The following CEP192 variants were observed in gnomAD, a reference collection of about 807,000 sequenced individuals.
CEP192 encodes centrosomal protein of 192 kDa.
CEP192 carries 151 observed loss-of-function variants against 271.8 expected under a neutral mutation model. That is an observed-to-expected ratio of 0.56 (90% CI 0.49 to 0.64). The LOEUF is 0.64. Among genes scored for constraint, CEP192 ranks in the 30% least tolerant of loss-of-function variants. CEP192 has a pLI of 0.00. For synonymous variants in CEP192, 995 were observed against 1,076.5 expected (o/e 0.92, Z 1.48); for missense variants, 2,910 against 3,020.5 (o/e 0.96, Z 0.86).
At chr18:13,096,819 T>C (rs2039424536) in intron 36 of CEP192, among the ~76,000 whole-genome samples, 1 of 152,188 alleles carries the variant, frequency 6.6e-6, no homozygotes, top group Non-Finnish European at 1.5e-5. Flanking sequence ...TAGAATATTC[T>C]AGGACAGAAG....
At chr18:13,009,570 C>T (rs146020956) in intron 4 of CEP192, among the ~76,000 whole-genome samples, 10 of 152,340 alleles carry the variant, frequency 6.6e-5, no homozygotes, top group African/African-American at 1.9e-4. Context: ...TGGTGGCTTA[C>T]GCCTGTAATC....
At chr18:13,009,008 C>CTTTTT (rs1193857966) in intron 4 of CEP192, among the ~76,000 whole-genome samples, 3 of 113,556 alleles carry the variant, frequency 2.6e-5, no homozygotes, top group African/African-American at 8.6e-5. Context: ...TGTGCCTGGC[C>CTTTTT]TTTTTGTTTT....
At position 12,999,556 on chromosome 18, in the gene CEP192, A is replaced by G; in HGVS notation, c.132A>G (p.Thr44=). 6.4e-7 allele frequency: 1 copy of G among 1,550,388 alleles called. No individual in the cohort carries two copies. ...SNLGLPVAVS[T]LARDRSSTDN... ...TTGGCTTGCCTGTTGCTGTTTCTACACTTGCTAGGGATAGATCCAGCACTG... is the reference window on the plus strand; with the variant it reads ...TTGGCTTGCCTGTTGCTGTTTCTACGCTTGCTAGGGATAGATCCAGCACTG... The change falls in exon 2 of 45, where the codon ACA becomes ACG. Residue 44 remains threonine (T), a synonymous_variant. Coordinates refer to ENST00000506447, the MANE Select transcript of CEP192 (RefSeq NM_032142.4).
intron 15 of CEP192, among the ~76,000 whole-genome samples, chr18:13,048,546 G>C (rs938943203): frequency 1.3e-5 from 2 of 152,124 alleles, no homozygotes; most frequent in African/African-American, 4.8e-5. Flanking sequence ...GAGGTCTGTG[G>C]TAAGAATGAT....
At chr18:13,005,114 C>T (rs745913710) in intron 3 of CEP192, among the ~76,000 whole-genome samples, 1 of 151,958 alleles carries the variant, frequency 6.6e-6, no homozygotes, top group Non-Finnish European at 1.5e-5. Context: ...GCAAGAAGGG[C>T]GTATATATTC....
At chr18:13,113,783 C>A in intron 41 of CEP192, 78 bp downstream of exon 41, 1 of 1,324,556 alleles carries the variant, frequency 7.5e-7, no homozygotes, top group Non-Finnish European at 1.0e-6. Context: ...GAAAAGTTGG[C>A]CTGAAAATGC....
intron 15 of CEP192, among the ~76,000 whole-genome samples, chr18:13,043,464 C>T (rs911499578): frequency 2.6e-5 from 4 of 152,152 alleles, no homozygotes; most frequent in Non-Finnish European, 4.4e-5. Context: ...TGTGCTTCTT[C>T]GGTCTGTTTA....
At chr18:13,031,066 A>G (rs2035592856) in intron 11 of CEP192, among the ~76,000 whole-genome samples, 1 of 152,132 alleles carries the variant, frequency 6.6e-6, no homozygotes, top group African/African-American at 2.4e-5. Flanking sequence ...CAGGTTGTTG[A>G]TTAGCATCAT....
intron 22 of CEP192, 29 bp from the exon 23 acceptor site, chr18:13,068,065 A>G (rs2037808033): frequency 1.2e-6 from 2 of 1,612,758 alleles, no homozygotes; most frequent in Admixed American, 1.7e-5. Context: ...TGTTGGCTTT[A>G]CTGAACTGAT....
chr18:13,015,829 T>A (rs1427933289), intron 6 of CEP192, among the ~76,000 whole-genome samples: 1 of 150,636 alleles, frequency 6.6e-6, no homozygotes, highest in Non-Finnish European at 1.5e-5. Context: ...CACCACAACC[T>A]CCACCTCCTG....
At chr18:13,122,832 CGTGT>C (rs59158168) in intron 44 of CEP192, among the ~76,000 whole-genome samples, 233 of 150,444 alleles carry the variant, frequency 1.5e-3, no homozygotes, top group South Asian at 0.01. Context: ...TACCTTTTCC[CGTGT>C]GTGTGTGTGT....
intron 6 of CEP192, 56 bp downstream of exon 6, chr18:13,015,504 C>G (rs1300151537): frequency 6.5e-7 from 1 of 1,530,186 alleles, no homozygotes; most frequent in African/African-American, 1.4e-5. Flanking sequence ...CCACTTTATT[C>G]TTCTTTGTTG....
Position 13,056,288 on chromosome 18 carries a change from T to C in CEP192, c.3698T>C (p.Val1233Ala). Residue 1233 changes from valine (V) to alanine (A), a missense_variant, in exon 19 of 45, where the codon GTT (valine) becomes GCT (alanine). Val to Ala is a moderately conservative substitution (Grantham distance 64). Transcript: ENST00000506447. Reference sequence around the variant, plus strand: ...TGTACTCCTATTCCCAGCAGCACAGTTCACAGCTCTGTGGCTGACATGCAG... The same window carrying C: ...TGTACTCCTATTCCCAGCAGCACAGCTCACAGCTCTGTGGCTGACATGCAG... ...NQCTPIPSST[V>A]HSSVADMQNM... 6.2e-7 allele frequency: 1 copy of C among 1,614,086 alleles called. No homozygotes were observed. The highest frequency in any genetic ancestry group is 8.5e-7 in the Non-Finnish European group (1 of 1,179,936).
At position 13,103,330 on chromosome 18, in the gene CEP192, A is replaced by G. The variant is rs555947292; in HGVS notation, c.6872-179A>G. Among the ~76,000 whole-genome samples the G allele has an allele frequency of 2.6e-5, 4 of 152,356 alleles. No homozygotes were observed. The South Asian group carries it at 8.3e-4, about 32-fold the overall frequency. On this transcript the variant is annotated intron_variant, in intron 38 of 44. Transcript: ENST00000506447. ...GCATTATACTTGTAATAAAACCTAA[A>G]AGAGAATATCTGACATACCTGATTT...
At chr18:13,092,573 C>T (rs111699522) in intron 34 of CEP192, 46 bp downstream of exon 34, 15 of 1,389,538 alleles carry the variant, frequency 1.1e-5, no homozygotes, top group South Asian at 6.6e-5. Context: ...CAGGATGATT[C>T]GATTCATAGC....
intron 43 of CEP192, 143 bp from the exon 44 acceptor site, chr18:13,117,442 T>C (rs2145123331): frequency 1.7e-6 from 1 of 579,942 alleles, no homozygotes; most frequent in African/African-American, 1.9e-5. Flanking sequence ...TTTCATTACA[T>C]TAGCATTTAT....
At chr18:13,046,068 C>T (rs1177275417) in intron 15 of CEP192, among the ~76,000 whole-genome samples, 2 of 152,096 alleles carry the variant, frequency 1.3e-5, no homozygotes, top group African/African-American at 2.4e-5. Context: ...AGAGGTTTAA[C>T]GGGCCCATAG....
Position 13,079,513 on chromosome 18 carries a change from G to A in CEP192, c.5616+6328G>A, listed in dbSNP as rs375217891. Among the ~76,000 whole-genome samples, 53 of 152,212 alleles carry A rather than the reference G, an allele frequency of 3.5e-4. No homozygotes were observed. The East Asian group carries it at 8.3e-3, about 24-fold the overall frequency. On this transcript the variant is annotated intron_variant, in intron 30 of 44. Transcript: ENST00000506447. ...GTTTTTTTCTTGTAAATTTGTTCAA[G>A]TTCTTTGTAGATTCTGGATATTAGC...
intron 38 of CEP192, among the ~76,000 whole-genome samples, chr18:13,100,846 TC>T (rs972567022): frequency 6.6e-6 from 1 of 152,190 alleles, no homozygotes; most frequent in African/African-American, 2.4e-5. Flanking sequence ...CCTGGCTTCA[TC>T]ACTTACTCAC....
Sources: allele counts gnomAD v4.1 joint callset (sites outside exome capture counted in the v4.1 genomes callset), GRCh38; gene constraint gnomAD v4.1.1; transcripts MANE v1.5; gene names NCBI Gene and HGNC (gene_info 2026-07-23, HGNC 2026-07-21).